PANK4: variants seen among roughly 807,000 people sequenced by gnomAD.
PANK4 encodes 4'-phosphopantetheine phosphatase.
A neutral mutation model predicts 87.9 loss-of-function variants in PANK4; 40 were observed. The observed-to-expected ratio is 0.46, with a 90% CI of 0.35 to 0.59. PANK4 has a LOEUF of 0.59. Among genes scored for constraint, PANK4 ranks in the 20% least tolerant of loss-of-function variants. The pLI is 0.00. For missense variants in PANK4, 926 were observed against 1,072.3 expected (o/e 0.86, Z 1.90); for synonymous variants, 524 against 467.4 (o/e 1.12, Z -1.56).
chr1:2,526,573 T>C lies in PANK4; in HGVS notation c.15A>G (p.Gly5=), dbSNP rs143812980. The C allele has an allele frequency of 3.1e-4, 495 of 1,601,602 alleles. 1 individual carries two copies. Among genetic ancestry groups the C allele is most frequent in the South Asian group, 5.2e-4 (47 of 89,800 alleles). Residue 5 remains glycine (G), a synonymous_variant, in exon 1 of 19, where the codon GGA becomes GGG. Transcript: ENST00000378466. The part of the protein sequence containing the change: MAEC[G]ASGSGSSGDS... Reference sequence around the variant, plus strand: ...CCCCGCTGCTCCCGCTGCCGCTCGCTCCACACTCCGCCATTTTGAAAGTGC... The same window carrying C: ...CCCCGCTGCTCCCGCTGCCGCTCGCCCCACACTCCGCCATTTTGAAAGTGC...
rs757674927 is a variant in PANK4, at chr1:2,521,301, T to C, written c.222A>G (p.Glu74=). ...CTGAAATCTCATAGGGCGGCTCATG[T>C]TCACGTTCTGTGTCCTGGAAAACAG... ...FDHSGKDTER[E]HEPPYEISVQ... The change falls in exon 3 of 19, where the codon GAA becomes GAG. Residue 74 remains glutamate, a synonymous_variant. Coordinates refer to ENST00000378466, the MANE Select transcript of PANK4 (RefSeq NM_018216.4). 1.2e-6 allele frequency: 2 copies of C among 1,613,620 alleles called. No individual in the cohort carries two copies. Among genetic ancestry groups the C allele is most frequent in the African/African-American group, 1.3e-5 (1 of 74,940 alleles).
chr1:2,519,220 A>T lies in PANK4; in HGVS notation c.958T>A (p.Tyr320Asn). The change falls in exon 7 of 19, where the codon TAC (tyrosine) becomes AAC (asparagine). Residue 320 changes from tyrosine (Y) to asparagine (N), a missense_variant. Coordinates refer to ENST00000378466, the MANE Select transcript of PANK4 (RefSeq NM_018216.4). This position sits in a 1 kb window ranked among gnomAD's most constrained non-coding sequence, Gnocchi z 8.3. Reference sequence around the variant, plus strand: ...CCCCGGATAAAGAAGCCTCCAAAGTACACGCGGTCCAGGCTGTGCAGCCGT... The same window carrying T: ...CCCCGGATAAAGAAGCCTCCAAAGTTCACGCGGTCCAGGCTGTGCAGCCGT... ...HARLHSLDRV[Y>N]FGGFFIRGHP... is the part of the protein sequence containing the mutation. 1 of 1,612,774 alleles carries T rather than the reference A, an allele frequency of 6.2e-7. No homozygotes were observed. Among genetic ancestry groups the T allele is most frequent in the South Asian group, 1.1e-5 (1 of 91,080 alleles).
In PANK4 at chr1:2,519,836, G is replaced by C; in HGVS notation, c.818C>G (p.Ala273Gly). ...QTLGLSGNLI[A>G]SSFGKSATAD... ...GGTGGCCGACTTCCCGAAGCTGCTG[G>C]CGATGAGGTTCCCGCTCAGCCCGAG... Residue 273 changes from alanine to glycine, a missense_variant, in exon 6 of 19, where the codon GCC (alanine) becomes GGC (glycine). Physicochemically the swap from Ala to Gly is moderately conservative, Grantham distance 60. Coordinates refer to ENST00000378466, the MANE Select transcript of PANK4 (RefSeq NM_018216.4). The surrounding 1 kb of genome is among the most constrained non-coding windows in gnomAD (Gnocchi z 8.3). 1 of 1,580,056 alleles carries C rather than the reference G, an allele frequency of 6.3e-7. No homozygotes were observed. The highest frequency in any genetic ancestry group is 8.6e-7 in the Non-Finnish European group (1 of 1,163,894).
At chr1:2,523,329 A>T (rs1434820291) in intron 1 of PANK4, among the ~76,000 whole-genome samples, 1 of 152,092 alleles carries the variant, frequency 6.6e-6, no homozygotes, top group African/African-American at 2.4e-5. Context: ...CTGTGGCTTT[A>T]AGCCTCCTTA....
At chr1:2,522,491 A>G (rs2100795340) in intron 1 of PANK4, among the ~76,000 whole-genome samples, 1 of 152,298 alleles carries the variant, frequency 6.6e-6, no homozygotes, top group Non-Finnish European at 1.5e-5. Context: ...ATATCAGGAA[A>G]TGGAAGGGGC....
intron 14 of PANK4, 70 bp downstream of exon 14, chr1:2,511,558 G>T: frequency 2.5e-6 from 3 of 1,201,066 alleles, no homozygotes; most frequent in East Asian, 2.3e-5. Context: ...AACTGCATTC[G>T]CTGTTGCAGA....
intron 8 of PANK4, 75 bp downstream of exon 8, chr1:2,518,441 G>T: frequency 7.5e-7 from 1 of 1,332,126 alleles, no homozygotes; most frequent in Non-Finnish European, 1.1e-6. Flanking sequence ...ACCCTGGGCC[G>T]CCCTGGCCTG....
intron 9 of PANK4, chr1:2,516,024 C>A (rs905133689): frequency 5.7e-5 from 27 of 476,986 alleles, no homozygotes; most frequent in Non-Finnish European, 9.1e-5. Context: ...CTCCCATCAC[C>A]CCTCCTCCAC....
chr1:2,511,682 C>T lies in PANK4; in HGVS notation c.1729G>A (p.Val577Ile). 2 of 1,599,296 alleles carry T rather than the reference C, an allele frequency of 1.3e-6. No homozygotes were observed. The highest frequency in any genetic ancestry group is 1.7e-6 in the Non-Finnish European group (2 of 1,166,836). ...FDWGAKAVSAVLESDPYFGFE... is the reference protein window; with the variant it reads ...FDWGAKAVSAILESDPYFGFE... ...CCAAAGTAGGGGTCGGATTCAAGGA[C>T]ACTGCATGGAGGAGGAGAAAAGAAA... The change falls in exon 14 of 19, where the codon GTC becomes ATC. Residue 577 changes from valine (V) to isoleucine (I), a missense_variant and splice_region_variant. Transcript: ENST00000378466.
At chr1:2,524,711 A>G (rs1305386490) in intron 1 of PANK4, among the ~76,000 whole-genome samples, 1 of 152,206 alleles carries the variant, frequency 6.6e-6, no homozygotes, top group East Asian at 1.9e-4. Context: ...TCTCCTGGCC[A>G]TTCCCCAAGT....
chr1:2,521,434 G>A (rs1355685817), intron 2 of PANK4, 119 bp from the exon 3 acceptor site: 7 of 877,482 alleles, frequency 8.0e-6, no homozygotes, highest in Non-Finnish European at 1.3e-5. Flanking sequence ...GCGGCGCTCT[G>A]AGGCAGAATC....
At position 2,510,036 on chromosome 1, in the gene PANK4, G is replaced by A. The variant is rs373632754; in HGVS notation, c.2039+21C>T. The A allele has an allele frequency of 5.0e-6, 8 of 1,590,224 alleles. No individual in the cohort carries two copies. The African/African-American group carries it at 6.7e-5, about 13-fold the overall frequency. On this transcript the variant is annotated intron_variant, in intron 17 of 18. Transcript: ENST00000378466. The surrounding 1 kb of genome is among the most constrained non-coding windows in gnomAD (Gnocchi z 4.9). ...GCCCCTCCCCATCAAGGCCCCCCCAGCACTGCCCGCCAACACTCACTGCAC... is the reference window on the plus strand; with the variant it reads ...GCCCCTCCCCATCAAGGCCCCCCCAACACTGCCCGCCAACACTCACTGCAC...
Position 2,515,635 on chromosome 1 carries a change from T to TCACA in PANK4, c.1300_1301insTGTG (p.Asp434ValfsTer2). 4 of 1,613,242 alleles carry TCACA rather than the reference T, an allele frequency of 2.5e-6. No homozygotes were observed. Among genetic ancestry groups the TCACA allele is most frequent in the Non-Finnish European group, 3.4e-6 (4 of 1,179,918 alleles). ...AGCGTCATCGGTGAGGTCCACCGTG[T>TCACA]CGGGCACGTAGGAGGGCGGGTCCAG... On this transcript the variant is annotated stop_gained and frameshift_variant, in exon 10 of 19. Coordinates refer to ENST00000378466, the MANE Select transcript of PANK4 (RefSeq NM_018216.4). LOFTEE classifies it high-confidence loss of function. This position sits in a 1 kb window ranked among gnomAD's most constrained non-coding sequence, Gnocchi z 5.0.
chr1:2,515,445 G>T lies in PANK4; in HGVS notation c.1374+117C>A. 8.7e-7 allele frequency: 1 copy of T among 1,150,722 alleles called. No homozygotes were observed. The highest frequency in any genetic ancestry group is 2.4e-5 in the East Asian group (1 of 41,992). 71.3% of individuals were successfully genotyped at this position (1,150,722 alleles called of 1,614,324 possible). A position where few individuals can be genotyped will look rare whatever the true frequency, so the allele number is the denominator to read the frequency against. On this transcript the variant is annotated intron_variant, in intron 10 of 18. Transcript: ENST00000378466. The surrounding 1 kb of genome is among the most constrained non-coding windows in gnomAD (Gnocchi z 5.0). The stretch of plus-strand genomic sequence containing the variant: ...CCCCTCACTCAGACGCAGATCAAGG[G>T]GTTTCTGGACAACACTGGCCTGTCC...
chr1:2,510,577 C>G lies in PANK4; in HGVS notation c.1938+101G>C. On this transcript the variant is annotated intron_variant, in intron 16 of 18. Transcript: ENST00000378466. The surrounding 1 kb of genome is among the most constrained non-coding windows in gnomAD (Gnocchi z 4.9). ...GCTGCCTGCACCTACCTGCTGCGTC[C>G]GGAGGAGCCCCGACCACCGCCAGAG... 1.4e-6 allele frequency: 1 copy of G among 739,568 alleles called. No homozygotes were observed. The highest frequency in any genetic ancestry group is 2.4e-6 in the Non-Finnish European group (1 of 420,152). 45.8% of individuals were successfully genotyped at this position (739,568 alleles called of 1,614,324 possible).
In PANK4 at chr1:2,510,475, GGACCCTCAGCCTGA is replaced by G. The variant is rs970559747; in HGVS notation, c.1938+189_1938+202del. 1.0e-5 allele frequency: 6 copies of G among 602,524 alleles called. No homozygotes were observed. Among genetic ancestry groups the G allele is most frequent in the Non-Finnish European group, 1.8e-5 (6 of 338,732 alleles). The allele number at this position is 602,524 out of a possible 1,614,324, so 37.3% of individuals were successfully genotyped here. A position where few individuals can be genotyped will look rare whatever the true frequency, so the allele number is the denominator to read the frequency against. ...GCGTCAACCCTGGGCTTCAGCACAT[GGACCCTCAGCCTGA>G]GCCCAGGGGGCTCGGAGCCTCCACC... is the stretch of plus-strand genomic sequence containing the variant. On this transcript the variant is annotated intron_variant, in intron 16 of 18. Coordinates refer to ENST00000378466, the MANE Select transcript of PANK4 (RefSeq NM_018216.4). The surrounding 1 kb of genome is among the most constrained non-coding windows in gnomAD (Gnocchi z 4.9).
chr1:2,522,007 T>C, intron 1 of PANK4: 1 of 584,680 alleles, frequency 1.7e-6, no homozygotes, highest in Non-Finnish European at 3.1e-6. Flanking sequence ...TCTCAAATTC[T>C]GCTCCTCCTC....
Position 2,518,615 on chromosome 1 carries a change from C to G in PANK4, c.1036-18G>C. ...ACTTCCCCCTGCCGTGGCCAAAGCACACGTGCTGCTGTTGGCCCCACACAA... is the reference window on the plus strand; with the variant it reads ...ACTTCCCCCTGCCGTGGCCAAAGCAGACGTGCTGCTGTTGGCCCCACACAA... On this transcript the variant is annotated intron_variant, in intron 7 of 18. Transcript: ENST00000378466. 1.3e-6 allele frequency: 2 copies of G among 1,555,426 alleles called. No individual in the cohort carries two copies. Among genetic ancestry groups the G allele is most frequent in the Non-Finnish European group, 8.7e-7 (1 of 1,147,938 alleles).
chr1:2,520,041 A>C lies in PANK4; in HGVS notation c.700-87T>G. On this transcript the variant is annotated intron_variant, in intron 5 of 18. Coordinates refer to ENST00000378466, the MANE Select transcript of PANK4 (RefSeq NM_018216.4). This position sits in a 1 kb window ranked among gnomAD's most constrained non-coding sequence, Gnocchi z 6.2. ...AGAAACCAAGCCCATGGCAGGAGGC[A>C]CGCGCGGGCAGGGGGTAAATGGGCC... The C allele has an allele frequency of 7.6e-7, 1 of 1,313,488 alleles. No individual in the cohort carries two copies. The highest frequency in any genetic ancestry group is 1.4e-5 in the South Asian group (1 of 68,990). 81.4% of individuals were successfully genotyped at this position (1,313,488 alleles called of 1,614,324 possible). A position where few individuals can be genotyped will look rare whatever the true frequency, so the allele number is the denominator to read the frequency against.
Sources: allele counts gnomAD v4.1 joint callset (sites outside exome capture counted in the v4.1 genomes callset), GRCh38; gene constraint gnomAD v4.1.1; non-coding constraint Gnocchi (gnomAD v3.1); transcripts MANE v1.5; gene names NCBI Gene and HGNC (gene_info 2026-07-23, HGNC 2026-07-21).